Variants in TTC7B observed in about 807,000 individuals in gnomAD.
TTC7B encodes tetratricopeptide repeat domain 7B, also known as tetratricopeptide repeat protein 7B.
In TTC7B, 28 loss-of-function variants were observed where a neutral mutation model predicts 106.8. The ratio of observed to expected loss-of-function variants is 0.26; its 90% CI spans 0.19 to 0.36. The LOEUF (loss-of-function observed/expected upper bound fraction) is 0.36, where lower values mean the gene tolerates loss of function less well. Among genes scored for constraint, TTC7B ranks in the 10% least tolerant of loss-of-function variants. The pLI is 1.00. For synonymous variants in TTC7B, 405 were observed against 430.6 expected (o/e 0.94, Z 0.74); for missense variants, 862 against 1,076.4 (o/e 0.80, Z 2.79).
chr14:90,713,107 G>C (rs1304340110), intron 5 of TTC7B, among the ~76,000 whole-genome samples: 2 of 152,134 alleles, frequency 1.3e-5, no homozygotes, highest in Non-Finnish European at 2.9e-5. Flanking sequence ...TTTCACCACA[G>C]AGGAATACTA....
rs931057630 is a variant in TTC7B at position 90,742,219 on chromosome 14, T to C, written c.576+2573A>G. 7.2e-5 allele frequency among the ~76,000 whole-genome samples: 11 copies of C among 152,128 alleles called. No homozygotes were observed. Among genetic ancestry groups the C allele is most frequent in the African/African-American group, 2.7e-4 (11 of 41,448 alleles). On this transcript the variant is annotated intron_variant, in intron 4 of 19. Transcript: ENST00000328459. The surrounding 1 kb of genome is among the most constrained non-coding windows in gnomAD (Gnocchi z 4.1). Reference sequence around the variant, plus strand: ...CCATGCCTAGCTAGTTTCGTTTCATTTCGTTTCGTTCGCTTCTTTCTTTCT... The same window carrying C: ...CCATGCCTAGCTAGTTTCGTTTCATCTCGTTTCGTTCGCTTCTTTCTTTCT...
intron 6 of TTC7B, among the ~76,000 whole-genome samples, chr14:90,695,029 ATTTTT>A (rs557463957): frequency 0.13 from 4,752 of 35,506 alleles, 434 homozygotes; most frequent in East Asian, 0.36. Context: ...ATATATGTAT[ATTTTT>A]TATTTTATTA....
In TTC7B at chr14:90,571,421, A is replaced by AG. The variant is rs1367698244; in HGVS notation, c.2310+6684dup. 2.0e-5 allele frequency among the ~76,000 whole-genome samples: 3 copies of AG among 152,172 alleles called. No individual in the cohort carries two copies. The South Asian group carries it at 6.2e-4, about 32-fold the overall frequency. Reference sequence around the variant, plus strand: ...AGCGAGGAAAGGCAAGAGAGAAATGAGGGCCTGTGCACTTTTCAGGGTCCT... The same window carrying AG: ...AGCGAGGAAAGGCAAGAGAGAAATGAGGGGCCTGTGCACTTTTCAGGGTCCT... On this transcript the variant is annotated intron_variant, in intron 19 of 19. Coordinates refer to ENST00000328459, the MANE Select transcript of TTC7B (RefSeq NM_001010854.2).
Position 90,734,927 on chromosome 14 carries a change from G to A in TTC7B, c.577-4731C>T, listed in dbSNP as rs958518048. On this transcript the variant is annotated intron_variant, in intron 4 of 19. Coordinates refer to ENST00000328459, the MANE Select transcript of TTC7B (RefSeq NM_001010854.2). ...GCCTCCTGAGTAGCTGGGATTACAGGCATGCGCCACCACGCCCAGCTAATT... is the reference window on the plus strand; with the variant it reads ...GCCTCCTGAGTAGCTGGGATTACAGACATGCGCCACCACGCCCAGCTAATT... Among the ~76,000 whole-genome samples the A allele has an allele frequency of 3.3e-5, 5 of 152,116 alleles. No homozygotes were observed. The East Asian group carries it at 9.6e-4, about 29-fold the overall frequency.
At chr14:90,632,559 A>G (rs1331738810) in intron 15 of TTC7B, among the ~76,000 whole-genome samples, 1 of 152,212 alleles carries the variant, frequency 6.6e-6, no homozygotes, top group Non-Finnish European at 1.5e-5. Flanking sequence ...ACTCCTGCTC[A>G]TCTGGGTTAT....
At chr14:90,629,004 G>A (rs755256330) in intron 15 of TTC7B, among the ~76,000 whole-genome samples, 5 of 152,376 alleles carry the variant, frequency 3.3e-5, no homozygotes, top group Admixed American at 2.0e-4. Context: ...TGTGTGCTGC[G>A]TGAAGACTGG....
chr14:90,581,246 C>T (rs775616201), intron 18 of TTC7B, among the ~76,000 whole-genome samples: 1 of 152,196 alleles, frequency 6.6e-6, no homozygotes, highest in Non-Finnish European at 1.5e-5. Flanking sequence ...CTGAAGGTGA[C>T]CGCCCAGCCA....
Position 90,644,138 on chromosome 14 carries a change from A to T in TTC7B, c.1661T>A (p.Leu554His). 1 of 1,614,022 alleles carries T rather than the reference A, an allele frequency of 6.2e-7. No homozygotes were observed. The highest frequency in any genetic ancestry group is 8.5e-7 in the Non-Finnish European group (1 of 1,179,980). The change falls in exon 15 of 20, where the codon CTC (leucine) becomes CAC (histidine). Residue 554 changes from leucine (L) to histidine (H), a missense_variant. By Grantham distance (99) the Leu-to-His change is moderately conservative (BLOSUM62 -3). Transcript: ENST00000328459. ...CTGTGCTGACAGCAGGAGGGCAAGGAGGTGCAGGGAGTTGGCATCGTCACC... is the reference window on the plus strand; with the variant it reads ...CTGTGCTGACAGCAGGAGGGCAAGGTGGTGCAGGGAGTTGGCATCGTCACC... Reference protein sequence around the residue: ...LQGDDANSLHLLALLLSAQKH... With the variant: ...LQGDDANSLHHLALLLSAQKH...
At chr14:90,706,483 T>C (rs981840105) in intron 5 of TTC7B, among the ~76,000 whole-genome samples, 83 of 152,158 alleles carry the variant, frequency 5.5e-4, no homozygotes, top group African/African-American at 2.0e-3. Context: ...TTTTATAAGA[T>C]GTTTCATCTA....
chr14:90,563,714 C>T (rs1300541642), intron 19 of TTC7B, among the ~76,000 whole-genome samples: 9 of 152,204 alleles, frequency 5.9e-5, no homozygotes, highest in Admixed American at 2.0e-4. Context: ...AAGTTGGAGT[C>T]CATCCTCTCT....
At chr14:90,648,224 T>C (rs896872529) in intron 13 of TTC7B, 1 of 152,234 alleles carries the variant, frequency 6.6e-6, no homozygotes, top group Non-Finnish European at 1.5e-5. Context: ...GCAAAGCACA[T>C]AGACTTCCAT....
At chr14:90,557,303 G>C (rs1324027551) in intron 19 of TTC7B, among the ~76,000 whole-genome samples, 4 of 152,178 alleles carry the variant, frequency 2.6e-5, no homozygotes, top group African/African-American at 7.2e-5. Flanking sequence ...GAGCAGGGCT[G>C]GGAGAAGTCA....
chr14:90,771,316 C>A (rs1890855589), intron 3 of TTC7B, among the ~76,000 whole-genome samples: 1 of 152,148 alleles, frequency 6.6e-6, no homozygotes, highest in Admixed American at 6.5e-5. Context: ...TATTCATAGG[C>A]CCGGCACCGT....
rs184318227 is a variant in TTC7B at position 90,561,974 on chromosome 14, G to A, written c.2310+16132C>T. 2.6e-5 allele frequency among the ~76,000 whole-genome samples: 4 copies of A among 152,262 alleles called. No homozygotes were observed. The East Asian group carries it at 7.7e-4, about 29-fold the overall frequency. ...ATTTCCCTCCTGCTCCCCAAACGTGGGTGCTCCTTGGGTTCTGTCCTAGGC... is the reference window on the plus strand; with the variant it reads ...ATTTCCCTCCTGCTCCCCAAACGTGAGTGCTCCTTGGGTTCTGTCCTAGGC... On this transcript the variant is annotated intron_variant, in intron 19 of 19. Coordinates refer to ENST00000328459, the MANE Select transcript of TTC7B (RefSeq NM_001010854.2).
At chr14:90,751,529 G>T (rs1406114762) in intron 3 of TTC7B, among the ~76,000 whole-genome samples, 1 of 152,004 alleles carries the variant, frequency 6.6e-6, no homozygotes, top group Non-Finnish European at 1.5e-5. Context: ...CTGAGTAGCT[G>T]GGACTACAGG....
intron 1 of TTC7B, among the ~76,000 whole-genome samples, chr14:90,799,411 T>C (rs1396542074): frequency 6.6e-6 from 1 of 152,086 alleles, no homozygotes; most frequent in East Asian, 1.9e-4. Flanking sequence ...CCTTACACTC[T>C]AGACAGGGAA....
At chr14:90,622,758 G>T (rs1036238544) in intron 15 of TTC7B, among the ~76,000 whole-genome samples, 4 of 151,932 alleles carry the variant, frequency 2.6e-5, no homozygotes, top group African/African-American at 9.7e-5. Flanking sequence ...GAATTATTTT[G>T]TTCACAGACT....
At chr14:90,765,286 G>A (rs530839960) in intron 3 of TTC7B, among the ~76,000 whole-genome samples, 1 of 152,164 alleles carries the variant, frequency 6.6e-6, no homozygotes, top group South Asian at 2.1e-4. Flanking sequence ...ATTAGTGGTT[G>A]ACTAGGGCTA....
intron 7 of TTC7B, among the ~76,000 whole-genome samples, chr14:90,683,225 C>G (rs1887124054): frequency 6.6e-6 from 1 of 152,202 alleles, no homozygotes; most frequent in Non-Finnish European, 1.5e-5. Context: ...GCCTTGAACA[C>G]TGCCAACCCA....
Sources: gnomAD v4.1 joint callset for allele counts (sites outside exome capture counted in the v4.1 genomes callset) on GRCh38, gnomAD v4.1.1 for gene constraint, Gnocchi (gnomAD v3.1) non-coding constraint, MANE v1.5 for transcripts, NCBI Gene and HGNC (gene_info 2026-07-23, HGNC 2026-07-21) for gene names.